Variants in MFSD11 observed in about 807,000 individuals in gnomAD.
MFSD11 encodes the protein major facilitator superfamily domain containing 11.
Under a neutral mutation model 53.5 loss-of-function variants are expected in MFSD11, and 36 were observed. The ratio of observed to expected loss-of-function variants is 0.67; its 90% CI spans 0.52 to 0.89. MFSD11 has a LOEUF of 0.89. Ranked by LOEUF, MFSD11 falls within the 40% of genes least tolerant of loss-of-function variation. MFSD11 has a pLI of 0.00. For synonymous variants in MFSD11, 186 were observed against 184.9 expected (o/e 1.01, Z -0.05); for missense variants, 530 against 543.9 (o/e 0.97, Z 0.25).
intron 3 of MFSD11, 154 bp from the exon 4 acceptor site, chr17:76,741,815 A>G (rs2078110256): frequency 1.5e-6 from 1 of 685,726 alleles, no homozygotes; most frequent in African/African-American, 2.0e-5. Context: ...AAGAAATGAG[A>G]AAGTTGATTG....
At position 76,754,100 on chromosome 17, in the gene MFSD11, T is replaced by G; in HGVS notation, c.682+13T>G. The G allele has an allele frequency of 6.2e-7, 1 of 1,608,380 alleles. No homozygotes were observed. Among genetic ancestry groups the G allele is most frequent in the Non-Finnish European group, 8.5e-7 (1 of 1,176,140 alleles). ...GTAGATGCTTTTAGTAAGTATTTTC[T>G]GTATCTGAAATGCAAGAACTGTTCA... On this transcript the variant is annotated intron_variant, in intron 8 of 12. Coordinates refer to ENST00000685175, the MANE Select transcript of MFSD11 (RefSeq NM_001242532.5).
intron 1 of MFSD11, 105 bp from the exon 2 acceptor site, chr17:76,738,833 T>C: frequency 2.3e-6 from 2 of 869,474 alleles, no homozygotes; most frequent in Non-Finnish European, 1.9e-6. Context: ...AAGTACATTA[T>C]GAACTTTTAC....
At chr17:76,788,786 G>A in the MFSD11 span, among the ~76,000 whole-genome samples, 4 of 149,054 alleles carry the variant, frequency 2.7e-5, no homozygotes, top group Non-Finnish European at 6.0e-5. Context: ...CTGGGAGAAG[G>A]ATTGCACCAC....
At chr17:76,767,487 A>G (rs1463691362) in intron 9 of MFSD11, 36 bp downstream of exon 9, 1 of 1,317,856 alleles carries the variant, frequency 7.6e-7, no homozygotes, top group Non-Finnish European at 1.1e-6. Context: ...CTCTTGCTGC[A>G]TAATGACAAT....
At chr17:76,742,775 A>AT (rs1350201813) in intron 5 of MFSD11, among the ~76,000 whole-genome samples, 1 of 152,128 alleles carries the variant, frequency 6.6e-6, no homozygotes, top group Non-Finnish European at 1.5e-5. Flanking sequence ...GAGTGTTGGG[A>AT]TTACAGGCGT....
chr17:76,739,069 G>C lies in MFSD11; in HGVS notation c.152+76G>C, dbSNP rs1346339646. The C allele has an allele frequency of 2.7e-6, 3 of 1,121,594 alleles. No homozygotes were observed. In the African/African-American group the frequency reaches 4.6e-5, roughly 17 times the overall value. 69.5% of individuals were successfully genotyped at this position (1,121,594 alleles called of 1,614,324 possible). A position where few individuals can be genotyped will look rare whatever the true frequency, so the allele number is the denominator to read the frequency against. ...AATCTCATCAGAATCACCAGCAATAGAATATTGTGATTGAATAAGTGGTGA... is the reference window on the plus strand; with the variant it reads ...AATCTCATCAGAATCACCAGCAATACAATATTGTGATTGAATAAGTGGTGA... On this transcript the variant is annotated intron_variant, in intron 2 of 12. Transcript: ENST00000685175.
At chr17:76,787,628 A>C in the MFSD11 span, among the ~76,000 whole-genome samples, 1 of 150,124 alleles carries the variant, frequency 6.7e-6, no homozygotes, top group Non-Finnish European at 1.5e-5. Context: ...TTGGGTAAAT[A>C]TAATACTATG....
At chr17:76,793,141 A>G in the MFSD11 span, among the ~76,000 whole-genome samples, 1 of 151,460 alleles carries the variant, frequency 6.6e-6, no homozygotes, top group African/African-American at 2.5e-5. Context: ...ACATCTTATC[A>G]GGAGACAGGG....
At position 76,764,161 on chromosome 17, in the gene MFSD11, G is replaced by A. The variant is rs934263324; in HGVS notation, c.683-3225G>A. On this transcript the variant is annotated intron_variant, in intron 8 of 12. Coordinates refer to ENST00000685175, the MANE Select transcript of MFSD11 (RefSeq NM_001242532.5). ...GGCGTGGGCCCTAGCACTCGGCCAC[G>A]TGTTTTGATATATGTATACATTGTG... 5.8e-4 allele frequency among the ~76,000 whole-genome samples: 88 copies of A among 152,104 alleles called. 1 individual carries two copies. Among genetic ancestry groups the A allele is most frequent in the African/African-American group, 1.8e-3 (75 of 41,426 alleles).
chr17:76,742,331 A>G (rs1340894305), intron 5 of MFSD11, 58 bp downstream of exon 5: 1 of 1,414,098 alleles, frequency 7.1e-7, no homozygotes, highest in Non-Finnish European at 9.8e-7. Context: ...CTGTCATACC[A>G]TTTTTTAGGT....
At chr17:76,737,143 G>A (rs772206470), upstream of MFSD11, 19 of 1,590,022 alleles carry the variant, frequency 1.2e-5, 1 homozygote, top group South Asian at 7.9e-5. Flanking sequence ...CATCGGGAGG[G>A]GGGCGGCCGT....
At position 76,744,330 on chromosome 17, in the gene MFSD11, C is replaced by G. The variant is rs1360458074; in HGVS notation, c.505C>G (p.Arg169Gly). 1.2e-6 allele frequency: 2 copies of G among 1,609,692 alleles called. No individual in the cohort carries two copies. Among genetic ancestry groups the G allele is most frequent in the Middle Eastern group, 1.7e-4 (1 of 6,040 alleles). ...QGKTQISESD[R>G]RTVFIALTVI... ...TTCTTTTTTCTCCGTAGAGAGTGAC[C>G]GAAGAACAGTGTTTATTGCCCTAAC... is the stretch of plus-strand genomic sequence containing the variant. The change falls in exon 7 of 13, where the codon CGA becomes GGA. Residue 169 changes from arginine (R) to glycine (G), a missense_variant. Arg to Gly is a moderately radical substitution (Grantham distance 125). Transcript: ENST00000685175.
At position 76,744,461 on chromosome 17, in the gene MFSD11, C is replaced by G; in HGVS notation, c.636C>G (p.Val212=). 1 of 1,607,566 alleles carries G rather than the reference C, an allele frequency of 6.2e-7. No individual in the cohort carries two copies. ...CTTCTGATGACCAGGACATGGAAGTCAACGAGTAAGATGTTGGAAACATTC... is the reference window on the plus strand; with the variant it reads ...CTTCTGATGACCAGGACATGGAAGTGAACGAGTAAGATGTTGGAAACATTC... ...DESSDDQDME[V]NESAQNNLTK... The change falls in exon 7 of 13, where the codon GTC becomes GTG. Residue 212 remains valine (V), a synonymous_variant. Transcript: ENST00000685175.
the MFSD11 span, among the ~76,000 whole-genome samples, chr17:76,803,064 G>T: frequency 1.2e-4 from 18 of 152,186 alleles, no homozygotes; most frequent in Admixed American, 8.5e-4. Context: ...GGCTGAGGAA[G>T]GGGATGGTGT....
chr17:76,746,022 ACAGGCTGAAAGCTATGC>A (rs1438937274), intron 7 of MFSD11, among the ~76,000 whole-genome samples: 20 of 152,182 alleles, frequency 1.3e-4, no homozygotes, highest in Admixed American at 9.8e-4. Flanking sequence ...GAAAGCTGAG[ACAGGCTGAAAGCTATGC>A]CTCTTGTGCC....
chr17:76,776,125 C>T lies in MFSD11; in HGVS notation c.1050-281C>T, dbSNP rs982331711. 9.9e-5 allele frequency among the ~76,000 whole-genome samples: 15 copies of T among 152,052 alleles called. No homozygotes were observed. Among genetic ancestry groups the T allele is most frequent in the African/African-American group, 2.4e-5 (1 of 41,378 alleles). On this transcript the variant is annotated intron_variant, in intron 11 of 12. Transcript: ENST00000685175. The surrounding 1 kb of genome is among the most constrained non-coding windows in gnomAD (Gnocchi z 4.2). ...TCCCGAGTAGCTGGGATTACAGGCACGCGCCACTATGCCCAGCTAATTTTT... is the reference window on the plus strand; with the variant it reads ...TCCCGAGTAGCTGGGATTACAGGCATGCGCCACTATGCCCAGCTAATTTTT...
chr17:76,794,424 C>G, the MFSD11 span, among the ~76,000 whole-genome samples: 1 of 149,630 alleles, frequency 6.7e-6, no homozygotes, highest in Non-Finnish European at 1.5e-5. Context: ...TTGCAGTGAG[C>G]CTAGATCACG....
At chr17:76,765,617 C>G (rs915766113) in intron 8 of MFSD11, among the ~76,000 whole-genome samples, 1 of 151,896 alleles carries the variant, frequency 6.6e-6, no homozygotes, top group Non-Finnish European at 1.5e-5. Context: ...TGTGCACCAC[C>G]ATGCCTGGCT....
At position 76,766,011 on chromosome 17, in the gene MFSD11, T is replaced by C. The variant is rs570597841; in HGVS notation, c.683-1375T>C. 7.7e-4 allele frequency among the ~76,000 whole-genome samples: 117 copies of C among 151,118 alleles called. No individual in the cohort carries two copies. In the South Asian group the frequency reaches 0.012, roughly 16 times the overall value. ...ACGTTAGGATTCACTCTTGGTGTGG[T>C]ACCTTTTATGGGTTTGTACAAATAT... On this transcript the variant is annotated intron_variant, in intron 8 of 12. Coordinates refer to ENST00000685175, the MANE Select transcript of MFSD11 (RefSeq NM_001242532.5).
Sources: allele counts gnomAD v4.1 joint callset (sites outside exome capture counted in the v4.1 genomes callset), GRCh38; gene constraint gnomAD v4.1.1; non-coding constraint Gnocchi (gnomAD v3.1); transcripts MANE v1.5; gene names NCBI Gene and HGNC (gene_info 2026-07-23, HGNC 2026-07-21).